INTS1: variants seen among roughly 807,000 people sequenced by gnomAD.
The protein encoded by INTS1 is integrator complex subunit 1.
In INTS1, 137 loss-of-function variants were observed where a neutral mutation model predicts 241.6. That is an observed-to-expected ratio of 0.57 (90% CI 0.49 to 0.65). INTS1 has a LOEUF of 0.65. INTS1 is among the 30% of genes least tolerant of loss of function. The pLI is 0.00. For missense variants in INTS1, 3,073 were observed against 3,032.2 expected (o/e 1.01, Z -0.32); for synonymous variants, 1,692 against 1,337.8 (o/e 1.26, Z -5.78).
chr7:1,493,201 T>TGGGGGG lies in INTS1; in HGVS notation c.2069-96_2069-95insCCCCCC. The TGGGGGG allele has an allele frequency of 1.6e-5, 9 of 578,982 alleles. No homozygotes were observed. The highest frequency in any genetic ancestry group is 2.3e-5 in the Non-Finnish European group (8 of 344,146). 35.9% of individuals were successfully genotyped at this position (578,982 alleles called of 1,614,324 possible). ...CGGCCCTGCTCGGGCCGCGTCGGGG[T>TGGGGGG]GGGGTGGGGGATGCCGCAGGGTGGG... On this transcript the variant is annotated intron_variant, in intron 15 of 47. Coordinates refer to ENST00000404767, the MANE Select transcript of INTS1 (RefSeq NM_001080453.3). This position sits in a 1 kb window ranked among gnomAD's most constrained non-coding sequence, Gnocchi z 5.3.
intron 30 of INTS1, 151 bp downstream of exon 30, chr7:1,480,166 G>T: frequency 1.2e-6 from 1 of 861,686 alleles, no homozygotes; most frequent in Admixed American, 2.9e-5. Context: ...AGGGTCAGGC[G>T]GTCACGCGTG....
chr7:1,489,652 G>T lies in INTS1; in HGVS notation c.2196C>A (p.Thr732=). The change falls in exon 17 of 48, where the codon ACC becomes ACA. Residue 732 remains threonine, a synonymous_variant. Transcript: ENST00000404767. ...GYQPPNLAIS[T]LYWKAWPLLL... is the part of the protein sequence containing the mutation. ...GGAGGGGCCAGGCCTTCCAGTAGAG[G>T]GTAGAGATGGCGAGGTTCGGAGGCT... 1 of 1,580,500 alleles carries T rather than the reference G, an allele frequency of 6.3e-7. No individual in the cohort carries two copies. The highest frequency in any genetic ancestry group is 8.6e-7 in the Non-Finnish European group (1 of 1,161,834).
At position 1,499,562 on chromosome 7, in the gene INTS1, T is replaced by C. The variant is rs763885430; in HGVS notation, c.755A>G (p.Asn252Ser). ...DSPHCKTFVD[N>S]IQTAFNTRMP... ...TCTGGTGTTGAAGGCCGTCTGGATG[T>C]TGTCCACAAACGTCTTACAGTGAGG... Residue 252 changes from asparagine to serine, a missense_variant, in exon 6 of 48, where the codon AAC becomes AGC. Coordinates refer to ENST00000404767, the MANE Select transcript of INTS1 (RefSeq NM_001080453.3). 8 of 1,613,364 alleles carry C rather than the reference T, an allele frequency of 5.0e-6. No homozygotes were observed. The African/African-American group carries it at 5.3e-5, about 11-fold the overall frequency.
chr7:1,492,076 GA>G (rs1454255924), intron 16 of INTS1, among the ~76,000 whole-genome samples: 1 of 152,148 alleles, frequency 6.6e-6, no homozygotes, highest in Non-Finnish European at 1.5e-5. Flanking sequence ...AGCCGCTGGG[GA>G]GGGTCTGACA....
At chr7:1,479,342 A>C (rs2128535122) in intron 31 of INTS1, 88 bp downstream of exon 31, 1 of 1,418,840 alleles carries the variant, frequency 7.0e-7, no homozygotes, top group East Asian at 2.6e-5. Flanking sequence ...AGACCCACAG[A>C]GGAGCAGTCA....
At chr7:1,475,691 G>A (rs118190635) in intron 39 of INTS1, among the ~76,000 whole-genome samples, 1,856 of 151,752 alleles carry the variant, frequency 0.012, 17 homozygotes, top group Non-Finnish European at 0.02. Flanking sequence ...ATAAACCAAC[G>A]GCCGATCCAC....
intron 3 of INTS1, among the ~76,000 whole-genome samples, 170 bp from the exon 4 acceptor site, chr7:1,500,536 G>A (rs983268321): frequency 6.6e-6 from 1 of 152,096 alleles, no homozygotes. Flanking sequence ...CCCACCAGAT[G>A]GTCCCCTTAA....
Position 1,503,968 on chromosome 7 carries a change from C to G in INTS1, c.-8G>C, listed in dbSNP as rs766044015. On this transcript the variant is annotated 5_prime_UTR_variant, in exon 2 of 48. Transcript: ENST00000404767. ...GGGCTTGGCCCGGTTCATCCTGCCC[C>G]GTCCCTCGCGGCTCCCGGCGGCTGC... is the stretch of plus-strand genomic sequence containing the variant. The G allele has an allele frequency of 1.7e-5, 26 of 1,548,606 alleles. No individual in the cohort carries two copies. The highest frequency in any genetic ancestry group is 2.5e-5 in the East Asian group (1 of 40,532).
rs1047976345 is a variant in INTS1 at position 1,482,665 on chromosome 7, G to C, written c.3584C>G (p.Pro1195Arg). The change falls in exon 27 of 48, where the codon CCG (proline) becomes CGG (arginine). Residue 1195 changes from proline to arginine, a missense_variant. Pro to Arg is a moderately radical substitution (Grantham distance 103, BLOSUM62 -2). Transcript: ENST00000404767. ...EFQALLDIWF[P>R]EEKPLPTAFL... Reference sequence around the variant, plus strand: ...GGCGGTGGGCAGTGGCTTCTCCTCCGGAAACCAGATGTCCAGCAGCGCCTG... The same window carrying C: ...GGCGGTGGGCAGTGGCTTCTCCTCCCGAAACCAGATGTCCAGCAGCGCCTG... 6.2e-7 allele frequency: 1 copy of C among 1,612,740 alleles called. No homozygotes were observed. Among genetic ancestry groups the C allele is most frequent in the South Asian group, 1.1e-5 (1 of 91,076 alleles).
Position 1,484,008 on chromosome 7 carries a change from T to A in INTS1, c.3424A>T (p.Ser1142Cys). ...RQSKEGEEVY[S>C]WSESQDQVFL... ...GTAGACCTCCTCGCCCTCACCCAGC[T>A]GTAGACCTCCTCGCCCTCCTTGCTC... is the stretch of plus-strand genomic sequence containing the variant. The change falls in exon 25 of 48, where the codon AGC becomes TGC. Residue 1142 changes from serine to cysteine, a missense_variant. By Grantham distance (112) the Ser-to-Cys change is moderately radical. Coordinates refer to ENST00000404767, the MANE Select transcript of INTS1 (RefSeq NM_001080453.3). The A allele has an allele frequency of 1.2e-6, 2 of 1,607,760 alleles. No homozygotes were observed. The highest frequency in any genetic ancestry group is 1.7e-6 in the Non-Finnish European group (2 of 1,177,000).
chr7:1,489,951 T>C (rs995420278), intron 16 of INTS1, among the ~76,000 whole-genome samples: 2 of 152,162 alleles, frequency 1.3e-5, no homozygotes, highest in African/African-American at 4.8e-5. Flanking sequence ...TAAACGTTCA[T>C]TAAGTGACAA....
intron 16 of INTS1, among the ~76,000 whole-genome samples, chr7:1,491,193 A>G (rs1361040384): frequency 6.6e-6 from 1 of 152,254 alleles, no homozygotes; most frequent in African/African-American, 2.4e-5. Context: ...ACGTCAAAGC[A>G]CACACAGCAG....
At chr7:1,483,656 G>A (rs755537283) in intron 26 of INTS1, 86 bp downstream of exon 26, 6 of 1,026,356 alleles carry the variant, frequency 5.8e-6, no homozygotes, top group South Asian at 1.3e-5. Context: ...CAGAAGCAAG[G>A]CAAGGATGCG....
At chr7:1,495,996 C>G (rs6971387) in intron 12 of INTS1, among the ~76,000 whole-genome samples, 160 bp downstream of exon 12, 173 of 152,066 alleles carry the variant, frequency 1.1e-3, no homozygotes, top group African/African-American at 4.0e-3. Flanking sequence ...TGGACAGGAA[C>G]GGGGACGGCA....
chr7:1,503,833 G>A (rs1014826035), intron 2 of INTS1, 70 bp downstream of exon 2: 7 of 831,564 alleles, frequency 8.4e-6, no homozygotes, highest in African/African-American at 4.8e-5. Context: ...ATCCGCGGCA[G>A]CTGAGATCCC....
At position 1,477,584 on chromosome 7, in the gene INTS1, T is replaced by C; in HGVS notation, c.4904A>G (p.Asp1635Gly). Residue 1635 changes from aspartate to glycine, a missense_variant, in exon 35 of 48, where the codon GAC becomes GGC. Physicochemically the swap from Asp to Gly is moderately conservative, Grantham distance 94 (BLOSUM62 -1). Transcript: ENST00000404767. Reference protein sequence around the residue: ...LDPEVVSSCPDLQLRLLFSRR... With the variant: ...LDPEVVSSCPGLQLRLLFSRR... ...GGAGAAGAGCAGCCTGAGCTGCAGG[T>C]CGGGGCAGCTGCTGACCACCTCGGG... 6.4e-7 allele frequency: 1 copy of C among 1,554,312 alleles called. No homozygotes were observed. Among genetic ancestry groups the C allele is most frequent in the African/African-American group, 1.4e-5 (1 of 73,544 alleles).
intron 16 of INTS1, among the ~76,000 whole-genome samples, chr7:1,492,556 T>C (rs1344625934): frequency 1.3e-5 from 2 of 152,154 alleles, no homozygotes; most frequent in Non-Finnish European, 2.9e-5. Context: ...AACATGGAAT[T>C]GCACACTTTA....
chr7:1,503,869 A>T, intron 2 of INTS1, 34 bp downstream of exon 2: 3 of 1,482,330 alleles, frequency 2.0e-6, no homozygotes, highest in African/African-American at 1.5e-5. Flanking sequence ...ACCCCCAAAG[A>T]CCCCCGGGCT....
At chr7:1,488,351 T>A (rs1782380944) in intron 18 of INTS1, among the ~76,000 whole-genome samples, 1 of 152,100 alleles carries the variant, frequency 6.6e-6, no homozygotes, top group African/African-American at 2.4e-5. Context: ...GGGCAGGGAC[T>A]CTCTTGCCTA....
Sources: gnomAD v4.1 joint callset for allele counts (sites outside exome capture counted in the v4.1 genomes callset) on GRCh38, gnomAD v4.1.1 for gene constraint, Gnocchi (gnomAD v3.1) non-coding constraint, MANE v1.5 for transcripts, NCBI Gene and HGNC (gene_info 2026-07-23, HGNC 2026-07-21) for gene names.